MYOF: variants seen among roughly 807,000 people sequenced by gnomAD.
MYOF encodes myoferlin, also known as fer-1-like 3, myoferlin.
A neutral mutation model predicts 284.2 loss-of-function variants in MYOF; 244 were observed. The observed-to-expected ratio is 0.86, with a 90% CI of 0.77 to 0.95. The LOEUF (loss-of-function observed/expected upper bound fraction) is 0.95, where lower values mean the gene tolerates loss of function less well. Ranked by LOEUF, MYOF falls within the 40% of genes least tolerant of loss-of-function variation. The pLI, the probability that MYOF is intolerant of heterozygous loss-of-function variation, is 0.00. For synonymous variants in MYOF, 904 were observed against 919.7 expected (o/e 0.98, Z 0.31); for missense variants, 2,496 against 2,560.6 (o/e 0.97, Z 0.54).
chr10:93,361,672 C>A (rs1845081599), intron 27 of MYOF, 115 bp from the exon 28 acceptor site: 2 of 811,458 alleles, frequency 2.5e-6, no homozygotes, highest in Admixed American at 2.6e-5. Context: ...TACTTAGATA[C>A]CATCTTAGAG....
intron 45 of MYOF, among the ~76,000 whole-genome samples, chr10:93,326,354 C>T (rs934383501): frequency 2.0e-5 from 3 of 152,242 alleles, no homozygotes; most frequent in South Asian, 2.1e-4. Flanking sequence ...GTATCTCCTC[C>T]GGACCTGGCC....
At chr10:93,458,122 G>C (rs953030578) in intron 1 of MYOF, among the ~76,000 whole-genome samples, 7 of 152,048 alleles carry the variant, frequency 4.6e-5, no homozygotes, top group African/African-American at 1.4e-4. Flanking sequence ...GGAGGCCAAG[G>C]TGGGAGGATT....
intron 1 of MYOF, among the ~76,000 whole-genome samples, chr10:93,473,201 A>T (rs971814614): frequency 1.3e-5 from 2 of 152,202 alleles, no homozygotes; most frequent in Non-Finnish European, 2.9e-5. Flanking sequence ...CAGAGTAAAG[A>T]TGGAAAAGAA....
chr10:93,469,072 G>A (rs1407103237), intron 1 of MYOF, among the ~76,000 whole-genome samples: 1 of 152,130 alleles, frequency 6.6e-6, no homozygotes, highest in Non-Finnish European at 1.5e-5. Flanking sequence ...TCTGCCTTCA[G>A]CACCTGCTTG....
chr10:93,309,225 G>A (rs1260449163), intron 53 of MYOF, among the ~76,000 whole-genome samples: 1 of 152,186 alleles, frequency 6.6e-6, no homozygotes, highest in East Asian at 1.9e-4. Context: ...ACCTCCCTTA[G>A]TCATGTGTCC....
rs377631473 is a variant in MYOF at position 93,414,910 on chromosome 10, AT to A, written c.434-5172del. ...AGGCACCTGCCACCACGCCCTGCTA[AT>A]TTTTGTATTTTTAGTAGAGACGGGG... On this transcript the variant is annotated intron_variant, in intron 5 of 53. Coordinates refer to ENST00000359263, the MANE Select transcript of MYOF (RefSeq NM_013451.4). Among the ~76,000 whole-genome samples the A allele has an allele frequency of 5.7e-3, 870 of 151,932 alleles. 14 individuals are homozygous for A. Among genetic ancestry groups the A allele is most frequent in the African/African-American group, 0.02 (824 of 41,422 alleles).
At chr10:93,421,298 G>C (rs1262633453) in intron 5 of MYOF, among the ~76,000 whole-genome samples, 2 of 152,168 alleles carry the variant, frequency 1.3e-5, no homozygotes, top group East Asian at 1.9e-4. Context: ...ATGTCATTAA[G>C]GTATGCAATG....
At chr10:93,408,122 T>C (rs1847703222) in intron 7 of MYOF, among the ~76,000 whole-genome samples, 1 of 152,146 alleles carries the variant, frequency 6.6e-6, no homozygotes, top group South Asian at 2.1e-4. Flanking sequence ...ACTCCTCCCG[T>C]CTCAGCCTCT....
At position 93,360,092 on chromosome 10, in the gene MYOF, A is replaced by G. The variant is rs1844997881; in HGVS notation, c.2975-114T>C. ...CTGCCCTCAGATGTTCTGTACTATC[A>G]TGACCGAATATGTGGCTGTTTTCAC... On this transcript the variant is annotated intron_variant, in intron 28 of 53. Transcript: ENST00000359263. The G allele has an allele frequency of 3.2e-6, 4 of 1,239,170 alleles. No homozygotes were observed. The South Asian group carries it at 4.2e-5, about 13-fold the overall frequency. 76.8% of individuals were successfully genotyped at this position (1,239,170 alleles called of 1,614,324 possible).
chr10:93,402,122 G>A, intron 11 of MYOF, 110 bp downstream of exon 11: 2 of 777,780 alleles, frequency 2.6e-6, no homozygotes, highest in South Asian at 1.5e-5. Flanking sequence ...GAATCTGAGG[G>A]TATTGACGGG....
At position 93,329,839 on chromosome 10, in the gene MYOF, A is replaced by G. The variant is rs1843224208; in HGVS notation, c.4812-5T>C. Reference sequence around the variant, plus strand: ...TAGCAGCTCAGTTCGTACATCCTAAATAAACAAATGCAAGGTCAGAATCTT... The same window carrying G: ...TAGCAGCTCAGTTCGTACATCCTAAGTAAACAAATGCAAGGTCAGAATCTT... On this transcript the variant is annotated splice_region_variant and splice_polypyrimidine_tract_variant and intron_variant, in intron 43 of 53. Coordinates refer to ENST00000359263, the MANE Select transcript of MYOF (RefSeq NM_013451.4). The G allele has an allele frequency of 6.2e-7, 1 of 1,613,888 alleles. No homozygotes were observed. The highest frequency in any genetic ancestry group is 1.1e-5 in the South Asian group (1 of 91,068).
At chr10:93,427,108 G>T (rs570827217) in intron 4 of MYOF, among the ~76,000 whole-genome samples, 92 of 150,752 alleles carry the variant, frequency 6.1e-4, no homozygotes, top group African/African-American at 2.1e-3. Context: ...GGCTGGTTTC[G>T]ATCTCCTGAC....
chr10:93,323,521 A>ATCTT (rs1248690791), intron 46 of MYOF, 163 bp from the exon 47 acceptor site: 6 of 658,980 alleles, frequency 9.1e-6, no homozygotes, highest in African/African-American at 3.6e-5. Flanking sequence ...ACCAAGGTTA[A>ATCTT]TCTTTTATGT....
chr10:93,358,266 T>C (rs1844904623), intron 29 of MYOF, among the ~76,000 whole-genome samples: 1 of 152,100 alleles, frequency 6.6e-6, no homozygotes, highest in African/African-American at 2.4e-5. Flanking sequence ...CTCACACTAG[T>C]CAGAATAGAG....
chr10:93,377,656 C>T (rs956889852), intron 21 of MYOF, among the ~76,000 whole-genome samples: 1 of 151,750 alleles, frequency 6.6e-6, no homozygotes, highest in South Asian at 2.1e-4. Flanking sequence ...CTAAACTAAC[C>T]CAAGTAACTT....
chr10:93,431,219 G>A (rs566063375), intron 4 of MYOF, among the ~76,000 whole-genome samples, 189 bp downstream of exon 4: 2 of 152,010 alleles, frequency 1.3e-5, no homozygotes, highest in South Asian at 4.2e-4. Context: ...AGTTGGGATG[G>A]GGTTTCGGCA....
In MYOF at chr10:93,402,316, G is replaced by A; in HGVS notation, c.906C>T (p.Leu302=). ...GHAVMRKWLL[L]NDPEDTSSGS... is the part of the protein sequence containing the mutation. ...CTGAACTGGTATCTTCCGGGTCATT[G>A]AGAAGAAGCCACTTTCTCATGACAG... The change falls in exon 11 of 54, where the codon CTC becomes CTT. Residue 302 remains leucine (L), a synonymous_variant. Transcript: ENST00000359263. The A allele has an allele frequency of 1.9e-6, 3 of 1,614,068 alleles. No individual in the cohort carries two copies. The highest frequency in any genetic ancestry group is 2.5e-6 in the Non-Finnish European group (3 of 1,180,004).
At chr10:93,396,100 G>A (rs1328689075) in intron 16 of MYOF, 42 bp downstream of exon 16, 7 of 1,478,086 alleles carry the variant, frequency 4.7e-6, no homozygotes, top group Non-Finnish European at 6.5e-6. Flanking sequence ...CTGGAGAAAA[G>A]TTCTGTATCC....
chr10:93,332,286 G>A (rs1406778517), intron 43 of MYOF, among the ~76,000 whole-genome samples: 2 of 151,296 alleles, frequency 1.3e-5, no homozygotes, highest in Admixed American at 6.6e-5. Flanking sequence ...GCAATGGCGC[G>A]ATCTCAGCTC....
Sources: gnomAD v4.1 joint callset for allele counts (sites outside exome capture counted in the v4.1 genomes callset) on GRCh38, gnomAD v4.1.1 for gene constraint, MANE v1.5 for transcripts, NCBI Gene and HGNC (gene_info 2026-07-23, HGNC 2026-07-21) for gene names.